The following USP49 variants were observed in gnomAD, a reference collection of about 807,000 sequenced individuals.
The protein encoded by USP49 is ubiquitin specific peptidase 49, also known as ubiquitin carboxyl-terminal hydrolase 49.
Under a neutral mutation model 58.6 loss-of-function variants are expected in USP49, and 24 were observed. The observed-to-expected ratio is 0.41, with a 90% CI of 0.30 to 0.58. The LOEUF is 0.58. Among genes scored for constraint, USP49 ranks in the 20% least tolerant of loss-of-function variants. USP49 has a pLI of 0.30. For synonymous variants in USP49, 408 were observed against 365.1 expected (o/e 1.12, Z -1.34); for missense variants, 703 against 866.1 (o/e 0.81, Z 2.36).
chr6:41,796,562 CATT>C lies in USP49; in HGVS notation c.2035_2037del (p.Asn679del), dbSNP rs2127315587. ...GAAAATGTCTGTGGTCTGCCTTCAT[CATT>C]GTTGCTGGACTGCACCTGAGCTTGG... is the stretch of plus-strand genomic sequence containing the variant. On this transcript the variant is annotated inframe_deletion, in exon 8 of 8. Coordinates refer to ENST00000682992, the MANE Select transcript of USP49 (RefSeq NM_001286554.2). 1.4e-6 allele frequency: 1 copy of C among 717,474 alleles called. No individual in the cohort carries two copies. Among genetic ancestry groups the C allele is most frequent in the East Asian group, 2.7e-5 (1 of 37,280 alleles). The allele number at this position is 717,474 out of a possible 1,614,324, so 44.4% of individuals were successfully genotyped here.
At chr6:41,823,866 G>GT (rs1463178625) in intron 3 of USP49, among the ~76,000 whole-genome samples, 2 of 152,144 alleles carry the variant, frequency 1.3e-5, no homozygotes, top group Non-Finnish European at 2.9e-5. Context: ...GAGAGTGTGT[G>GT]TGAGTGTGTG....
At chr6:41,888,048 C>CTTTTTTTTTTTTTTTTTTTT in intron 2 of USP49, among the ~76,000 whole-genome samples, 1 of 85,478 alleles carries the variant, frequency 1.2e-5, no homozygotes, top group Non-Finnish European at 2.2e-5. Flanking sequence ...TCACAATCAG[C>CTTTTTTTTTTTTTTTTTTTT]TTTTTTTTTT....
At chr6:41,830,694 G>A (rs1773618053) in intron 3 of USP49, among the ~76,000 whole-genome samples, 1 of 151,896 alleles carries the variant, frequency 6.6e-6, no homozygotes. Flanking sequence ...GGGCATGGTG[G>A]TGCATACCTG....
rs1772888964 is a variant in USP49 at position 41,796,475 on chromosome 6, G to A, written c.*58C>T. 3 of 692,466 alleles carry A rather than the reference G, an allele frequency of 4.3e-6. No individual in the cohort carries two copies. Among genetic ancestry groups the A allele is most frequent in the South Asian group, 3.1e-5 (2 of 64,494 alleles). The allele number at this position is 692,466 out of a possible 1,614,324, so 42.9% of individuals were successfully genotyped here. A position where few individuals can be genotyped will look rare whatever the true frequency, so the allele number is the denominator to read the frequency against. Reference sequence around the variant, plus strand: ...CCTGCAGTAGCCTTATTTCCTATAAGAGGAAAGATGTATGGACACCAATAC... The same window carrying A: ...CCTGCAGTAGCCTTATTTCCTATAAAAGGAAAGATGTATGGACACCAATAC... On this transcript the variant is annotated 3_prime_UTR_variant, in exon 8 of 8. Transcript: ENST00000682992.
At position 41,866,119 on chromosome 6, in the gene USP49, A is replaced by G. The variant is rs191731989; in HGVS notation, c.-29+5445T>C. 9.9e-3 allele frequency among the ~76,000 whole-genome samples: 1,498 copies of G among 151,550 alleles called. 16 individuals carry two copies. Among genetic ancestry groups the G allele is most frequent in the Non-Finnish European group, 0.017 (1,162 of 67,862 alleles). ...GTATTTTTAGTAGAGACAGGGTTTC[A>G]CCGTGTTAGCCAGGATGGTCTCGAC... On this transcript the variant is annotated intron_variant, in intron 3 of 7. Transcript: ENST00000682992.
At chr6:41,880,235 T>C (rs1774579985) in intron 2 of USP49, among the ~76,000 whole-genome samples, 1 of 151,044 alleles carries the variant, frequency 6.6e-6, no homozygotes, top group Non-Finnish European at 1.5e-5. Context: ...CCCCAGAAAG[T>C]AGAATAAAGA....
At chr6:41,809,024 C>T (rs556332568) in intron 3 of USP49, among the ~76,000 whole-genome samples, 114 of 152,140 alleles carry the variant, frequency 7.5e-4, no homozygotes, top group African/African-American at 2.4e-3. Context: ...AGTGATCCTC[C>T]CACCTCAGCC....
chr6:41,851,219 G>C (rs539332488), intron 3 of USP49, among the ~76,000 whole-genome samples: 1 of 152,290 alleles, frequency 6.6e-6, no homozygotes, highest in African/African-American at 2.4e-5. Flanking sequence ...TTCTTTGTGA[G>C]TATTGAGGTA....
chr6:41,830,223 A>G (rs568223706), intron 3 of USP49, among the ~76,000 whole-genome samples: 22 of 152,312 alleles, frequency 1.4e-4, no homozygotes, highest in Non-Finnish European at 2.9e-4. Flanking sequence ...CTCTTCTCTA[A>G]AACAGTTTAA....
chr6:41,798,877 G>A lies in USP49; in HGVS notation c.1723C>T (p.Gln575Ter). 1 of 1,613,890 alleles carries A rather than the reference G, an allele frequency of 6.2e-7. No individual in the cohort carries two copies. Among genetic ancestry groups the A allele is most frequent in the Non-Finnish European group, 8.5e-7 (1 of 1,179,972 alleles). Residue 575 changes from glutamine (Q) to a stop codon, truncating the protein, a stop_gained, in exon 7 of 8, where the codon CAG (glutamine) becomes TAG (stop). Coordinates refer to ENST00000682992, the MANE Select transcript of USP49 (RefSeq NM_001286554.2). LOFTEE classifies it high-confidence loss of function. ...CAGTAAGGTTCCATGGTTAATACCT[G>A]GTCAAAGACGACATGGACCCCAATC... ...EKIGVHVVFD[Q>*]VLTMEPYCCR...
intron 2 of USP49, among the ~76,000 whole-genome samples, chr6:41,876,904 G>A (rs1774512819): frequency 1.3e-5 from 2 of 152,224 alleles, no homozygotes; most frequent in Admixed American, 1.3e-4. Flanking sequence ...GCATAGGATA[G>A]CGGGAAGAGA....
chr6:41,872,001 T>G (rs1774419288), intron 2 of USP49, among the ~76,000 whole-genome samples: 1 of 152,216 alleles, frequency 6.6e-6, no homozygotes, highest in Admixed American at 6.5e-5. Context: ...TACTCGAATA[T>G]CAAAAGCTAA....
chr6:41,893,769 T>G (rs186444767), intron 1 of USP49, among the ~76,000 whole-genome samples: 1 of 152,220 alleles, frequency 6.6e-6, no homozygotes, highest in African/African-American at 2.4e-5. Flanking sequence ...ATTCAAGATT[T>G]CTTGAGAGAA....
intron 3 of USP49, 141 bp from the exon 4 acceptor site, chr6:41,807,152 G>A: frequency 3.1e-6 from 3 of 974,412 alleles, no homozygotes; most frequent in Non-Finnish European, 4.1e-6. Flanking sequence ...ACTCCAAATT[G>A]GTTCCTTTGA....
At chr6:41,819,507 A>G (rs1302346282) in intron 3 of USP49, among the ~76,000 whole-genome samples, 1 of 152,202 alleles carries the variant, frequency 6.6e-6, no homozygotes, top group Non-Finnish European at 1.5e-5. Context: ...ATATATGTAT[A>G]TATGTCAGAC....
Position 41,799,869 on chromosome 6 carries a change from C to T in USP49, c.1631G>A (p.Arg544Lys), listed in dbSNP as rs1300485811. Residue 544 changes from arginine (R) to lysine (K), a missense_variant, in exon 6 of 8, where the codon AGA (arginine) becomes AAA (lysine). Transcript: ENST00000682992. ...SEARKQLMIYRLPQVLRLHLK... is the reference protein window; with the variant it reads ...SEARKQLMIYKLPQVLRLHLK... ...GTGCAGCCGGAGAACCTGAGGTAGT[C>T]TGTAGATCATTAACTGCTTTCTAGC... 6.2e-7 allele frequency: 1 copy of T among 1,614,102 alleles called. No individual in the cohort carries two copies. The highest frequency in any genetic ancestry group is 1.3e-5 in the African/African-American group (1 of 75,044).
chr6:41,875,960 G>C (rs888575310), intron 2 of USP49, among the ~76,000 whole-genome samples: 9 of 152,134 alleles, frequency 5.9e-5, no homozygotes, highest in Non-Finnish European at 1.2e-4. Flanking sequence ...TCGAACTCCT[G>C]ACCTTGTGAT....
chr6:41,809,119 C>T (rs184678523), intron 3 of USP49, among the ~76,000 whole-genome samples: 45 of 151,944 alleles, frequency 3.0e-4, no homozygotes, highest in African/African-American at 1.1e-3. Context: ...ACTATGTTGC[C>T]CAGGCTGGTC....
At chr6:41,812,690 G>A (rs972415963) in intron 3 of USP49, among the ~76,000 whole-genome samples, 15 of 152,056 alleles carry the variant, frequency 9.9e-5, no homozygotes, top group Admixed American at 7.8e-4. Flanking sequence ...GCGAGACTCC[G>A]TCTCAAAAAA....
Sources: gnomAD v4.1 joint callset for allele counts (sites outside exome capture counted in the v4.1 genomes callset) on GRCh38, gnomAD v4.1.1 for gene constraint, MANE v1.5 for transcripts, NCBI Gene and HGNC (gene_info 2026-07-23, HGNC 2026-07-21) for gene names.